The following FOXP2 variants were observed in gnomAD, a reference collection of about 807,000 sequenced individuals.
The protein encoded by FOXP2 is forkhead box protein P2.
FOXP2 carries 12 observed loss-of-function variants against 115.8 expected under a neutral mutation model. The ratio of observed to expected loss-of-function variants is 0.10; its 90% CI spans 0.07 to 0.17. The LOEUF is 0.17. FOXP2 is among the 10% of genes least tolerant of loss of function. The probability of loss-of-function intolerance (pLI) is 1.00; values close to 1 mark genes in which losing one functional copy is unlikely to be tolerated. For synonymous variants in FOXP2, 328 were observed against 297.7 expected, an observed-to-expected ratio of 1.10 and a Z score of -1.05; for missense variants, 629 against 843.5, an observed-to-expected ratio of 0.75 and a Z score of 3.15.
intron 1 of FOXP2, among the ~76,000 whole-genome samples, chr7:114,256,913 A>G (rs1343474807): frequency 6.6e-6 from 1 of 152,226 alleles, no homozygotes; most frequent in Non-Finnish European, 1.5e-5. Context: ...TTAAACTACC[A>G]TTGACATTCT....
chr7:114,224,151 C>T (rs1023051601), intron 1 of FOXP2, among the ~76,000 whole-genome samples: 1 of 152,014 alleles, frequency 6.6e-6, no homozygotes, highest in Non-Finnish European at 1.5e-5. Flanking sequence ...ACTTAATTTT[C>T]TTCTATTGGT....
At chr7:114,386,354 T>C (rs981435140) in intron 2 of FOXP2, among the ~76,000 whole-genome samples, 1 of 152,246 alleles carries the variant, frequency 6.6e-6, no homozygotes, top group African/African-American at 2.4e-5. Flanking sequence ...AAAAAAATTT[T>C]AAGCTTTTTA....
At chr7:114,663,579 G>A in intron 15 of FOXP2, 60 bp downstream of exon 15, 2 of 1,092,518 alleles carry the variant, frequency 1.8e-6, no homozygotes, top group African/African-American at 2.0e-5. Context: ...TTTTTTTTTG[G>A]CATGTCTTTG....
intron 2 of FOXP2, among the ~76,000 whole-genome samples, chr7:114,317,576 T>C (rs1192399670): frequency 6.6e-6 from 1 of 152,186 alleles, no homozygotes; most frequent in Non-Finnish European, 1.5e-5. Context: ...CCTAGAATTT[T>C]GCCATAGCTT....
At chr7:114,653,095 C>A (rs1193819189) in intron 9 of FOXP2, among the ~76,000 whole-genome samples, 1 of 152,068 alleles carries the variant, frequency 6.6e-6, no homozygotes, top group Non-Finnish European at 1.5e-5. Flanking sequence ...TATTTTATTA[C>A]ATCTTGTTTC....
intron 2 of FOXP2, among the ~76,000 whole-genome samples, chr7:114,472,130 A>G (rs1796076632): frequency 1.3e-5 from 2 of 152,176 alleles, no homozygotes; most frequent in South Asian, 4.1e-4. Flanking sequence ...GTTAATGAGT[A>G]GCTGGGCTTA....
chr7:114,455,954 T>C (rs1795296263), intron 2 of FOXP2, among the ~76,000 whole-genome samples: 1 of 152,198 alleles, frequency 6.6e-6, no homozygotes, highest in African/African-American at 2.4e-5. Flanking sequence ...CACACCATTT[T>C]GTGTTCTGCC....
At chr7:114,569,277 A>T (rs1801174840) in intron 3 of FOXP2, among the ~76,000 whole-genome samples, 1 of 151,806 alleles carries the variant, frequency 6.6e-6, no homozygotes, top group South Asian at 2.1e-4. Context: ...TCTTATTATG[A>T]CTAGTTCTTC....
intron 1 of FOXP2, among the ~76,000 whole-genome samples, chr7:114,278,630 C>T (rs750521152): frequency 1.3e-5 from 2 of 152,142 alleles, no homozygotes; most frequent in South Asian, 2.1e-4. Flanking sequence ...CTAGGATTAC[C>T]GGCGTGAGCC....
chr7:114,299,192 G>A (rs927723965), intron 2 of FOXP2, among the ~76,000 whole-genome samples: 36 of 152,030 alleles, frequency 2.4e-4, no homozygotes, highest in African/African-American at 8.5e-4. Flanking sequence ...AGATGCTTTT[G>A]TGAGTAAAAA....
intron 1 of FOXP2, among the ~76,000 whole-genome samples, chr7:114,185,865 G>A (rs1793581747): frequency 1.3e-5 from 2 of 152,106 alleles, no homozygotes; most frequent in South Asian, 2.1e-4. Context: ...ACCACTAACT[G>A]GGTAATTTAT....
chr7:114,265,830 G>A (rs993067901), intron 1 of FOXP2, among the ~76,000 whole-genome samples: 3 of 152,080 alleles, frequency 2.0e-5, no homozygotes, highest in Non-Finnish European at 2.9e-5. Flanking sequence ...AAGGATTATG[G>A]CTTCCACCTT....
At chr7:114,688,920 G>A (rs1245712409) in intron 16 of FOXP2, among the ~76,000 whole-genome samples, 3 of 152,062 alleles carry the variant, frequency 2.0e-5, no homozygotes, top group Non-Finnish European at 4.4e-5. Flanking sequence ...AGAGATTGCG[G>A]TTTCTATTAA....
chr7:114,431,203 T>A (rs972032560), intron 2 of FOXP2, among the ~76,000 whole-genome samples: 1 of 151,824 alleles, frequency 6.6e-6, no homozygotes, highest in African/African-American at 2.4e-5. Flanking sequence ...ATTTAGGCGG[T>A]GTTTTCTATT....
intron 3 of FOXP2, among the ~76,000 whole-genome samples, chr7:114,605,594 G>T (rs1803274157): frequency 6.6e-6 from 1 of 152,196 alleles, no homozygotes; most frequent in South Asian, 2.1e-4. Context: ...GTGGATCACT[G>T]CATAGAGGTG....
intron 2 of FOXP2, among the ~76,000 whole-genome samples, chr7:114,483,690 T>C (rs1796650964): frequency 6.6e-6 from 1 of 151,798 alleles, no homozygotes; most frequent in Admixed American, 6.6e-5. Context: ...GTATCTTTCC[T>C]CTTTAACAAA....
intron 3 of FOXP2, among the ~76,000 whole-genome samples, chr7:114,593,793 G>A (rs746844712): frequency 3.3e-5 from 5 of 151,858 alleles, no homozygotes; most frequent in Non-Finnish European, 5.9e-5. Flanking sequence ...AATGTACTAG[G>A]TTGAATAAAG....
At chr7:114,117,257 T>C (rs1202796717) in intron 1 of FOXP2, among the ~76,000 whole-genome samples, 3 of 151,508 alleles carry the variant, frequency 2.0e-5, no homozygotes, top group Non-Finnish European at 2.9e-5. Flanking sequence ...AGTCTCACTC[T>C]GTTGTCCAGG....
intron 1 of FOXP2, among the ~76,000 whole-genome samples, chr7:114,112,337 C>T (rs925777261): frequency 1.3e-5 from 2 of 151,874 alleles, no homozygotes; most frequent in Non-Finnish European, 2.9e-5. Context: ...AACTCTGTGG[C>T]CCAGGCTAGA....
Sources: allele counts gnomAD v4.1 joint callset (sites outside exome capture counted in the v4.1 genomes callset), GRCh38; gene constraint gnomAD v4.1.1; transcripts MANE v1.5; gene names NCBI Gene and HGNC (gene_info 2026-07-23, HGNC 2026-07-21).